Variants in CDC14B observed in about 807,000 individuals in gnomAD.
CDC14B encodes dual specificity protein phosphatase CDC14B.
CDC14B carries 22 observed loss-of-function variants against 64.2 expected under a neutral mutation model. The observed-to-expected ratio is 0.34, with a 90% CI of 0.24 to 0.49. The LOEUF is 0.49. CDC14B is among the 20% of genes least tolerant of loss of function. The pLI, the probability that CDC14B is intolerant of heterozygous loss-of-function variation, is 0.99. For synonymous variants in CDC14B, 191 were observed against 215.8 expected (o/e 0.89, Z 1.01); for missense variants, 498 against 629.9 (o/e 0.79, Z 2.24).
At chr9:96,504,854 C>T (rs1833907064) in intron 13 of CDC14B, among the ~76,000 whole-genome samples, 1 of 152,082 alleles carries the variant, frequency 6.6e-6, no homozygotes, top group African/African-American at 2.4e-5. Context: ...AACTGAAGGG[C>T]TCCTGAAAAC....
In CDC14B at chr9:96,523,341, C is replaced by T. The variant is rs1257023062; in HGVS notation, c.1165G>A (p.Ala389Thr). The T allele has an allele frequency of 6.2e-7, 1 of 1,613,974 alleles. No individual in the cohort carries two copies. Among genetic ancestry groups the T allele is most frequent in the East Asian group, 2.2e-5 (1 of 44,896 alleles). ...ACGCCAGAGAGAAGTTTGGAGAAGG[C>T]TGCTCTGTGTTGTCCATTCTCCTGC... is the stretch of plus-strand genomic sequence containing the variant. ...KGQENGQHRA[A>T]FSKLLSGVDD... The change falls in exon 11 of 14, where the codon GCC (alanine) becomes ACC (threonine). Residue 389 changes from alanine to threonine, a missense_variant. Ala to Thr is a moderately conservative substitution (Grantham distance 58). Coordinates refer to ENST00000375241, the MANE Select transcript of CDC14B (RefSeq NM_033331.4).
chr9:96,528,892 C>T (rs11506818), intron 9 of CDC14B, among the ~76,000 whole-genome samples: 9,586 of 152,196 alleles, frequency 0.063, 955 homozygotes, highest in African/African-American at 0.22. Context: ...GCTCACTGGC[C>T]ATTTTATATC....
chr9:96,507,476 C>T (rs1037502165), intron 13 of CDC14B, among the ~76,000 whole-genome samples: 1 of 151,150 alleles, frequency 6.6e-6, no homozygotes, highest in Middle Eastern at 3.4e-3. Flanking sequence ...AGTGCAATGG[C>T]GCGATCTCAG....
intron 1 of CDC14B, 62 bp downstream of exon 1, chr9:96,619,157 G>GC: frequency 8.3e-7 from 1 of 1,201,164 alleles, no homozygotes; most frequent in Non-Finnish European, 1.0e-6. Context: ...TGGGAGGTGG[G>GC]CCAGGGCCCC....
chr9:96,503,692 T>C lies in CDC14B; in HGVS notation c.*61A>G. The stretch of plus-strand genomic sequence containing the variant: ...ATTTTGTTTTGTTTTCAAATTGTGC[T>C]AATTTCTGTTGCAGTTTTCAGTCCT... On this transcript the variant is annotated 3_prime_UTR_variant, in exon 14 of 14. Coordinates refer to ENST00000375241, the MANE Select transcript of CDC14B (RefSeq NM_033331.4). 6.9e-7 allele frequency: 1 copy of C among 1,446,340 alleles called. No homozygotes were observed. Among genetic ancestry groups the C allele is most frequent in the African/African-American group, 1.4e-5 (1 of 70,640 alleles). 89.6% of individuals were successfully genotyped at this position (1,446,340 alleles called of 1,614,324 possible).
intron 1 of CDC14B, chr9:96,566,808 C>T: frequency 6.2e-7 from 1 of 1,606,434 alleles, no homozygotes; most frequent in Non-Finnish European, 8.5e-7. Flanking sequence ...CCGCGCCCTC[C>T]CGGCTCATGA....
intron 4 of CDC14B, among the ~76,000 whole-genome samples, chr9:96,558,896 A>C (rs1265933189): frequency 6.6e-6 from 1 of 152,244 alleles, no homozygotes; most frequent in Non-Finnish European, 1.5e-5. Context: ...AGTGGTGCAA[A>C]AGATTTTTAG....
intron 1 of CDC14B, among the ~76,000 whole-genome samples, chr9:96,583,372 TA>T (rs1845276102): frequency 1.7e-4 from 20 of 115,420 alleles, no homozygotes; most frequent in Admixed American, 5.0e-4. Flanking sequence ...TGTATTTATT[TA>T]TTATTATTAT....
intron 1 of CDC14B, among the ~76,000 whole-genome samples, chr9:96,607,460 G>A (rs141869845): frequency 1.1e-3 from 134 of 122,772 alleles, no homozygotes; most frequent in African/African-American, 3.7e-3. Flanking sequence ...TCGCTCTGTC[G>A]CCCAGGCTGG....
intron 2 of CDC14B, among the ~76,000 whole-genome samples, chr9:96,565,158 C>T (rs1469981686): frequency 1.3e-5 from 2 of 151,656 alleles, no homozygotes; most frequent in African/African-American, 4.8e-5. Context: ...TTACTTAGTA[C>T]ACATTTATAT....
At position 96,592,727 on chromosome 9, in the gene CDC14B, C is replaced by T. The variant is rs369448728; in HGVS notation, c.160+26492G>A. ...GGTGGAGGTTGCATTGAGCCAAGATCGCGCCACTGCAGTCCAGCTTGAGCA... is the reference window on the plus strand; with the variant it reads ...GGTGGAGGTTGCATTGAGCCAAGATTGCGCCACTGCAGTCCAGCTTGAGCA... On this transcript the variant is annotated intron_variant, in intron 1 of 13. Coordinates refer to ENST00000375241, the MANE Select transcript of CDC14B (RefSeq NM_033331.4). Among the ~76,000 whole-genome samples, 32 of 152,110 alleles carry T rather than the reference C, an allele frequency of 2.1e-4. No individual in the cohort carries two copies. The East Asian group carries it at 3.1e-3, about 15-fold the overall frequency.
intron 9 of CDC14B, among the ~76,000 whole-genome samples, chr9:96,531,403 T>C (rs144661789): frequency 4.4e-4 from 67 of 152,316 alleles, no homozygotes; most frequent in African/African-American, 1.5e-3. Context: ...TCATGTAGAC[T>C]ATCCAATTTG....
At chr9:96,551,941 T>C in intron 4 of CDC14B, 69 bp from the exon 5 acceptor site, 1 of 1,537,686 alleles carries the variant, frequency 6.5e-7, no homozygotes. Context: ...CACTGCGAAG[T>C]AAATTTTGTC....
intron 9 of CDC14B, among the ~76,000 whole-genome samples, chr9:96,528,966 G>A (rs935659027): frequency 6.6e-6 from 1 of 152,142 alleles, no homozygotes; most frequent in Non-Finnish European, 1.5e-5. Flanking sequence ...GTTGTTTTTA[G>A]GCGTTTTCTC....
At chr9:96,602,690 G>T (rs1344000303) in intron 1 of CDC14B, among the ~76,000 whole-genome samples, 1 of 152,074 alleles carries the variant, frequency 6.6e-6, no homozygotes, top group African/African-American at 2.4e-5. Context: ...CTACACATGG[G>T]AATGTGGGAG....
intron 9 of CDC14B, among the ~76,000 whole-genome samples, chr9:96,529,552 C>G (rs989826313): frequency 6.8e-6 from 1 of 146,264 alleles, no homozygotes; most frequent in Non-Finnish European, 1.5e-5. Context: ...AATGCAATGG[C>G]ACAATCATGG....
At chr9:96,528,789 A>G (rs1483153132) in intron 9 of CDC14B, among the ~76,000 whole-genome samples, 2 of 152,226 alleles carry the variant, frequency 1.3e-5, no homozygotes, top group South Asian at 2.1e-4. Flanking sequence ...GTTCTTTTAG[A>G]TAACAGCCAT....
At chr9:96,584,907 C>T (rs915294206) in intron 1 of CDC14B, among the ~76,000 whole-genome samples, 1 of 152,160 alleles carries the variant, frequency 6.6e-6, no homozygotes, top group African/African-American at 2.4e-5. Context: ...CCACCTGCCT[C>T]GGCCTCCCAA....
At chr9:96,520,197 C>T (rs1001271228) in intron 12 of CDC14B, among the ~76,000 whole-genome samples, 1 of 152,160 alleles carries the variant, frequency 6.6e-6, no homozygotes, top group African/African-American at 2.4e-5. Context: ...TAACTCAGAG[C>T]TTAGAAAAAC....
Sources: allele counts gnomAD v4.1 joint callset (sites outside exome capture counted in the v4.1 genomes callset), GRCh38; gene constraint gnomAD v4.1.1; transcripts MANE v1.5; gene names NCBI Gene and HGNC (gene_info 2026-07-23, HGNC 2026-07-21).